Variants in ZNF804B observed in about 807,000 individuals in gnomAD.
ZNF804B encodes the protein zinc finger 804B.
In ZNF804B, 80 loss-of-function variants were observed where a neutral mutation model predicts 101.4. That is an observed-to-expected ratio of 0.79 (90% CI 0.66 to 0.95). ZNF804B has a LOEUF of 0.95. ZNF804B is among the 40% of genes least tolerant of loss of function. ZNF804B has a pLI of 0.00. For missense variants in ZNF804B, 1,673 were observed against 1,561.9 expected, an observed-to-expected ratio of 1.07 and a Z score of -1.20; for synonymous variants, 622 against 558.8, an observed-to-expected ratio of 1.11 and a Z score of -1.59.
At chr7:88,835,667 T>C (rs1026630677) in intron 1 of ZNF804B, among the ~76,000 whole-genome samples, 2 of 151,856 alleles carry the variant, frequency 1.3e-5, no homozygotes, top group African/African-American at 4.8e-5. Flanking sequence ...AAAGGGTAAC[T>C]TCGATAGTAG....
At chr7:89,147,619 C>G (rs746189326) in intron 1 of ZNF804B, among the ~76,000 whole-genome samples, 1 of 151,990 alleles carries the variant, frequency 6.6e-6, no homozygotes, top group Non-Finnish European at 1.5e-5. Flanking sequence ...CCAGGCCATA[C>G]AGCAGGAGGT....
chr7:89,100,103 A>C (rs1275668122), intron 1 of ZNF804B, among the ~76,000 whole-genome samples: 6 of 152,202 alleles, frequency 3.9e-5, no homozygotes, highest in Admixed American at 3.9e-4. Flanking sequence ...AAAAATGACA[A>C]GAAACCATAT....
At chr7:89,009,296 A>T (rs535356092) in intron 1 of ZNF804B, among the ~76,000 whole-genome samples, 3 of 152,256 alleles carry the variant, frequency 2.0e-5, no homozygotes, top group Non-Finnish European at 2.9e-5. Flanking sequence ...ATCATTCTCA[A>T]TATGTGATCC....
At chr7:88,802,720 G>T (rs1214427343) in intron 1 of ZNF804B, among the ~76,000 whole-genome samples, 2 of 143,522 alleles carry the variant, frequency 1.4e-5, no homozygotes, top group South Asian at 4.4e-4. Flanking sequence ...TAATGAACAG[G>T]AAAAAAAAAA....
intron 1 of ZNF804B, among the ~76,000 whole-genome samples, chr7:88,778,830 A>C (rs1019511344): frequency 6.6e-6 from 1 of 152,218 alleles, no homozygotes; most frequent in Non-Finnish European, 1.5e-5. Context: ...GCCGATATGC[A>C]TAAGGTATCC....
In ZNF804B at chr7:88,762,420, A is replaced by G. The variant is rs188205414; in HGVS notation, c.108+2336A>G. Among the ~76,000 whole-genome samples, 238 of 152,284 alleles carry G rather than the reference A, an allele frequency of 1.6e-3. 1 individual carries two copies. Among genetic ancestry groups the G allele is most frequent in the Non-Finnish European group, 3.0e-3 (204 of 68,024 alleles). ...TACATAACACTTAGCCTTTCTCCCTAAGGTGAAGTGGATCACTACCTTCTG... is the reference window on the plus strand; with the variant it reads ...TACATAACACTTAGCCTTTCTCCCTGAGGTGAAGTGGATCACTACCTTCTG... On this transcript the variant is annotated intron_variant, in intron 1 of 3. Coordinates refer to ENST00000333190, the MANE Select transcript of ZNF804B (RefSeq NM_181646.5).
chr7:88,896,983 A>T (rs1792299308), intron 1 of ZNF804B, among the ~76,000 whole-genome samples: 1 of 152,198 alleles, frequency 6.6e-6, no homozygotes, highest in African/African-American at 2.4e-5. Flanking sequence ...CTGCCTTCCA[A>T]TTCTTCTCAA....
At chr7:88,979,172 A>G (rs1304574569) in intron 1 of ZNF804B, among the ~76,000 whole-genome samples, 1 of 151,918 alleles carries the variant, frequency 6.6e-6, no homozygotes, top group East Asian at 1.9e-4. Flanking sequence ...TGATCAGTTC[A>G]TTTTTTAGTC....
intron 1 of ZNF804B, among the ~76,000 whole-genome samples, chr7:89,214,226 A>G (rs1395753846): frequency 1.3e-5 from 2 of 152,198 alleles, no homozygotes; most frequent in Non-Finnish European, 2.9e-5. Flanking sequence ...TTTGTAATTT[A>G]TTTTCAACCT....
chr7:89,314,797 T>C lies in ZNF804B; in HGVS notation c.250-12547T>C, dbSNP rs149228833. On this transcript the variant is annotated intron_variant, in intron 2 of 3. Coordinates refer to ENST00000333190, the MANE Select transcript of ZNF804B (RefSeq NM_181646.5). ...GGGATGGTTTTCTTAATACTTACAC[T>C]GTCTTGTCTCCTGTCCAAATAACTC... 1.7e-3 allele frequency among the ~76,000 whole-genome samples: 256 copies of C among 152,294 alleles called. 2 individuals carry two copies. The Middle Eastern group carries it at 0.017, about 10-fold the overall frequency.
intron 1 of ZNF804B, among the ~76,000 whole-genome samples, chr7:89,010,339 G>T (rs529041884): frequency 1.3e-5 from 2 of 152,222 alleles, no homozygotes; most frequent in Admixed American, 1.3e-4. Context: ...TTACAGTATT[G>T]ATTAAGTGGC....
At chr7:89,116,422 G>A (rs1452652331) in intron 1 of ZNF804B, among the ~76,000 whole-genome samples, 1 of 152,162 alleles carries the variant, frequency 6.6e-6, no homozygotes, top group Non-Finnish European at 1.5e-5. Flanking sequence ...GACTTTGAAA[G>A]AGTGGGTCTC....
intron 1 of ZNF804B, among the ~76,000 whole-genome samples, chr7:88,992,688 CA>C (rs771966985): frequency 9.2e-5 from 14 of 152,078 alleles, no homozygotes; most frequent in Non-Finnish European, 2.1e-4. Flanking sequence ...AGTACATCTA[CA>C]AAATCTTTTT....
chr7:88,869,420 C>A (rs1791782802), intron 1 of ZNF804B, among the ~76,000 whole-genome samples: 1 of 152,146 alleles, frequency 6.6e-6, no homozygotes, highest in East Asian at 1.9e-4. Flanking sequence ...AGTTAGTCAG[C>A]CCTCCTTTGA....
intron 1 of ZNF804B, among the ~76,000 whole-genome samples, chr7:89,010,113 C>A (rs1192218942): frequency 1.3e-5 from 2 of 152,114 alleles, no homozygotes; most frequent in East Asian, 1.9e-4. Flanking sequence ...TTTCTCTTAT[C>A]TTTTCTTGGA....
At chr7:89,140,615 T>A (rs1199307908) in intron 1 of ZNF804B, among the ~76,000 whole-genome samples, 1 of 152,106 alleles carries the variant, frequency 6.6e-6, no homozygotes, top group Non-Finnish European at 1.5e-5. Flanking sequence ...TGAACCAACC[T>A]CTGCTAGCTG....
chr7:88,764,023 C>T (rs1009558498), intron 1 of ZNF804B, among the ~76,000 whole-genome samples: 4 of 152,098 alleles, frequency 2.6e-5, no homozygotes, highest in African/African-American at 9.7e-5. Flanking sequence ...TAGATTAATT[C>T]AGTGTTCATG....
intron 1 of ZNF804B, among the ~76,000 whole-genome samples, chr7:89,204,959 T>C (rs1788694189): frequency 6.6e-6 from 1 of 152,116 alleles, no homozygotes; most frequent in Admixed American, 6.6e-5. Context: ...GACTGGATGA[T>C]TTATAAAGGA....
intron 1 of ZNF804B, among the ~76,000 whole-genome samples, chr7:89,057,720 A>G (rs755173398): frequency 6.6e-6 from 1 of 152,038 alleles, no homozygotes; most frequent in Non-Finnish European, 1.5e-5. Context: ...GAAGCAGGCC[A>G]CTGTGGAGTG....
Sources: allele counts gnomAD v4.1 joint callset (sites outside exome capture counted in the v4.1 genomes callset), GRCh38; gene constraint gnomAD v4.1.1; transcripts MANE v1.5; gene names NCBI Gene and HGNC (gene_info 2026-07-23, HGNC 2026-07-21).